Variants in VPS54 observed in about 807,000 individuals in gnomAD.
VPS54 encodes the protein VPS54 subunit of GARP complex.
VPS54 carries 45 observed loss-of-function variants against 121.5 expected under a neutral mutation model. That is an observed-to-expected ratio of 0.37 (90% CI 0.29 to 0.47). The LOEUF (loss-of-function observed/expected upper bound fraction) is 0.47. Ranked by LOEUF, VPS54 falls within the 20% of genes least tolerant of loss-of-function variation. The probability of loss-of-function intolerance (pLI) is 0.99; values close to 1 mark genes in which losing one functional copy is unlikely to be tolerated. For synonymous variants in VPS54, 371 were observed against 385.8 expected, an observed-to-expected ratio of 0.96 and a Z score of 0.45; for missense variants, 1,090 against 1,131.4, an observed-to-expected ratio of 0.96 and a Z score of 0.52.
intron 20 of VPS54, among the ~76,000 whole-genome samples, chr2:63,901,325 AG>A (rs1447362273): frequency 6.6e-6 from 1 of 152,342 alleles, no homozygotes; most frequent in South Asian, 2.1e-4. Context: ...CTTTTGGCAG[AG>A]CATAAAAAGA....
rs1674021674 is a variant in VPS54, at chr2:63,928,458, T to G, written c.1739+5215A>C. Among the ~76,000 whole-genome samples the G allele has an allele frequency of 2.6e-5, 4 of 152,282 alleles. No homozygotes were observed. In the South Asian group the frequency reaches 8.3e-4, roughly 32 times the overall value. On this transcript the variant is annotated intron_variant, in intron 12 of 22. Coordinates refer to ENST00000272322, the MANE Select transcript of VPS54 (RefSeq NM_016516.3). ...AAAGCCTTTACAGACAAGCAAATGC[T>G]GAGAGATTTTTGTCACCACCAGGCC...
At chr2:63,903,594 C>T (rs538067665) in intron 20 of VPS54, among the ~76,000 whole-genome samples, 8 of 151,718 alleles carry the variant, frequency 5.3e-5, no homozygotes, top group Admixed American at 3.9e-4. Context: ...TTATAAAATA[C>T]GTAGAAGTAA....
At chr2:64,000,141 T>A (rs1677802130) in intron 1 of VPS54, among the ~76,000 whole-genome samples, 1 of 152,112 alleles carries the variant, frequency 6.6e-6, no homozygotes. Context: ...ATTACAGACA[T>A]AAGCCACCAC....
Position 63,933,792 on chromosome 2 carries a change from T to C in VPS54, c.1620A>G (p.Ala540=). 6.2e-7 allele frequency: 1 copy of C among 1,613,940 alleles called. No homozygotes were observed. The highest frequency in any genetic ancestry group is 8.5e-7 in the Non-Finnish European group (1 of 1,179,868). The change falls in exon 12 of 23, where the codon GCA becomes GCG. Residue 540 remains alanine (A), a synonymous_variant. Transcript: ENST00000272322. ...TGCTGCAGGGCTCACTATTTGGAGA[T>C]GCATTTCTTTGAGAGGTAGTGTCAA... ...IAVDTTSQRN[A]SPNSEPCSSD... is the part of the protein sequence containing the mutation.
At position 63,983,857 on chromosome 2, in the gene VPS54, G is replaced by A; in HGVS notation, c.136+7C>T. ...AGTAAAAATCCTACAAAAAAAAAAAGCATTACCTGTGGGTTCCTTGGGACA... is the reference window on the plus strand; with the variant it reads ...AGTAAAAATCCTACAAAAAAAAAAAACATTACCTGTGGGTTCCTTGGGACA... On this transcript the variant is annotated splice_region_variant and intron_variant, in intron 2 of 22. Transcript: ENST00000272322. 1 of 1,573,230 alleles carries A rather than the reference G, an allele frequency of 6.4e-7. No individual in the cohort carries two copies. Among genetic ancestry groups the A allele is most frequent in the Non-Finnish European group, 8.6e-7 (1 of 1,162,350 alleles).
intron 1 of VPS54, among the ~76,000 whole-genome samples, chr2:64,004,793 CTTTT>C (rs1678047783): frequency 6.6e-6 from 1 of 152,104 alleles, no homozygotes. Context: ...ATTATTTCTT[CTTTT>C]TGAGACAGGC....
At chr2:63,935,252 G>T (rs1019555325) in intron 11 of VPS54, among the ~76,000 whole-genome samples, 3 of 152,122 alleles carry the variant, frequency 2.0e-5, no homozygotes, top group Admixed American at 2.0e-4. Flanking sequence ...TCTGAGTTGT[G>T]TTTCCTGTTA....
chr2:64,008,801 G>C (rs1678289657), intron 1 of VPS54, among the ~76,000 whole-genome samples: 1 of 152,118 alleles, frequency 6.6e-6, no homozygotes, highest in South Asian at 2.1e-4. Flanking sequence ...GAAATGGAAA[G>C]ACAAGAAGAA....
intron 6 of VPS54, among the ~76,000 whole-genome samples, chr2:63,965,181 A>G (rs183923606): frequency 7.2e-5 from 11 of 152,292 alleles, no homozygotes; most frequent in Non-Finnish European, 1.5e-5. Flanking sequence ...TTCTTATAAA[A>G]TTAGCCAATG....
At chr2:63,947,323 T>C in intron 9 of VPS54, 60 bp downstream of exon 9, 1 of 1,390,528 alleles carries the variant, frequency 7.2e-7, no homozygotes. Context: ...TAGGATAACA[T>C]AAAAATAAAC....
intron 1 of VPS54, among the ~76,000 whole-genome samples, chr2:63,992,707 T>C (rs986196834): frequency 4.6e-5 from 7 of 152,254 alleles, no homozygotes; most frequent in Non-Finnish European, 1.5e-5. Flanking sequence ...TGGTGGATGG[T>C]AACCAATTTA....
chr2:63,966,044 TAAAC>T (rs1675979800), intron 5 of VPS54, 78 bp from the exon 6 acceptor site: 3 of 1,377,614 alleles, frequency 2.2e-6, no homozygotes, highest in East Asian at 4.9e-5. Flanking sequence ...TCATGATCAT[TAAAC>T]AAAATTAACG....
rs555625012 is a variant in VPS54 at position 63,913,404 on chromosome 2, C to T, written c.2335-94G>A. On this transcript the variant is annotated intron_variant, in intron 17 of 22. Coordinates refer to ENST00000272322, the MANE Select transcript of VPS54 (RefSeq NM_016516.3). ...TATTATAAAAATACATTCCCCTTTC[C>T]TCTCATTCAATGGCCAAATGAATTA... The T allele has an allele frequency of 7.4e-6, 6 of 814,074 alleles. No homozygotes were observed. In the African/African-American group the frequency reaches 1.1e-4, roughly 14 times the overall value. The allele number at this position is 814,074 out of a possible 1,614,324, so 50.4% of individuals were successfully genotyped here.
rs747731456 is a variant in VPS54, at chr2:63,909,725, G to GTTTTTGTTTTTTTTTTTT, written c.2625+2619_2625+2620insAAAAAAAAAAAACAAAAA. 2.4e-4 allele frequency among the ~76,000 whole-genome samples: 28 copies of GTTTTTGTTTTTTTTTTTT among 115,250 alleles called. 3 individuals are homozygous for GTTTTTGTTTTTTTTTTTT. Among genetic ancestry groups the GTTTTTGTTTTTTTTTTTT allele is most frequent in the Non-Finnish European group, 4.0e-4 (22 of 55,534 alleles). The allele number at this position is 115,250 out of a possible 152,430, so 75.6% of individuals were successfully genotyped here. A position where few individuals can be genotyped will look rare whatever the true frequency, so the allele number is the denominator to read the frequency against. The stretch of plus-strand genomic sequence containing the variant: ...AAGCGACCTCGCCTGGCCGTTTTTG[G>GTTTTTGTTTTTTTTTTTT]TTTTTTTTTTTTTTTTGAGACAGAG... On this transcript the variant is annotated intron_variant, in intron 20 of 22. Coordinates refer to ENST00000272322, the MANE Select transcript of VPS54 (RefSeq NM_016516.3).
intron 11 of VPS54, among the ~76,000 whole-genome samples, chr2:63,942,031 C>CA (rs34766515): frequency 0.37 from 28,612 of 76,720 alleles, 4,035 homozygotes; most frequent in Non-Finnish European, 0.41. Flanking sequence ...GACTCCACCT[C>CA]AAAAAAAAAA....
chr2:63,980,865 T>C (rs1676772237), intron 3 of VPS54, among the ~76,000 whole-genome samples: 1 of 152,082 alleles, frequency 6.6e-6, no homozygotes, highest in African/African-American at 2.4e-5. Flanking sequence ...ATCTAAGTGA[T>C]TGTTAATATG....
rs755984917 is a variant in VPS54 at position 63,983,821 on chromosome 2, T to G, written c.136+43A>C. On this transcript the variant is annotated intron_variant, in intron 2 of 22. Coordinates refer to ENST00000272322, the MANE Select transcript of VPS54 (RefSeq NM_016516.3). The stretch of plus-strand genomic sequence containing the variant: ...AACCTGACTACTCATTTAAAGATAA[T>G]AGAAATCATCAGTAAAAATCCTACA... The G allele has an allele frequency of 2.6e-6, 4 of 1,555,380 alleles. No homozygotes were observed. In the Admixed American group the frequency reaches 6.0e-5, roughly 23 times the overall value.
intron 7 of VPS54, among the ~76,000 whole-genome samples, chr2:63,951,996 G>A (rs1210536254): frequency 6.6e-6 from 1 of 152,094 alleles, no homozygotes; most frequent in Non-Finnish European, 1.5e-5. Flanking sequence ...AATATCAATG[G>A]TGGTAGCTCC....
intron 3 of VPS54, among the ~76,000 whole-genome samples, chr2:63,976,350 C>CAAAA (rs371137546): frequency 1.1e-4 from 10 of 93,926 alleles, no homozygotes; most frequent in African/African-American, 3.4e-4. Context: ...GACCTTGTCT[C>CAAAA]AAAAAAAAAA....
Sources: allele counts gnomAD v4.1 joint callset (sites outside exome capture counted in the v4.1 genomes callset), GRCh38; gene constraint gnomAD v4.1.1; transcripts MANE v1.5; gene names NCBI Gene and HGNC (gene_info 2026-07-23, HGNC 2026-07-21).